TMTC1: variants seen among roughly 807,000 people sequenced by gnomAD.
The protein encoded by TMTC1 is protein O-mannosyl-transferase TMTC1.
Under a neutral mutation model 104.8 loss-of-function variants are expected in TMTC1, and 73 were observed. That is an observed-to-expected ratio of 0.70 (90% CI 0.58 to 0.85). The LOEUF (loss-of-function observed/expected upper bound fraction) is 0.85. Among genes scored for constraint, TMTC1 ranks in the 40% least tolerant of loss-of-function variants. The pLI, the probability that TMTC1 is intolerant of heterozygous loss-of-function variation, is 0.00. For missense variants in TMTC1, 1,035 were observed against 1,096.1 expected (o/e 0.94, Z 0.79); for synonymous variants, 434 against 428.7 (o/e 1.01, Z -0.15).
chr12:29,637,216 C>T (rs1027768452), intron 5 of TMTC1, among the ~76,000 whole-genome samples: 2 of 152,096 alleles, frequency 1.3e-5, no homozygotes, highest in Admixed American at 1.3e-4. Context: ...GGGGATAGTT[C>T]AGCTAGCTGT....
chr12:29,668,452 A>ATTTTTTTT (rs1940369316), intron 5 of TMTC1, among the ~76,000 whole-genome samples: 1 of 97,998 alleles, frequency 1.0e-5, no homozygotes, highest in African/African-American at 4.0e-5. Flanking sequence ...ATACCAACTT[A>ATTTTTTTT]TCTTTTTTTT....
chr12:29,535,782 G>A (rs1204953684), intron 11 of TMTC1: 2 of 167,344 alleles, frequency 1.2e-5, no homozygotes, highest in Admixed American at 6.5e-5. Flanking sequence ...ATTCTCTTAG[G>A]AGCCTCTCTC....
chr12:29,749,242 A>T (rs1943030906), intron 5 of TMTC1, among the ~76,000 whole-genome samples: 1 of 151,862 alleles, frequency 6.6e-6, no homozygotes. Context: ...ACACACACAC[A>T]CACACGTCTG....
In TMTC1 at chr12:29,503,331, C is replaced by T. The variant is rs1049668753; in HGVS notation, c.*3515G>A. On this transcript the variant is annotated 3_prime_UTR_variant, in exon 18 of 18. Coordinates refer to ENST00000539277, the MANE Select transcript of TMTC1 (RefSeq NM_001193451.2). Reference sequence around the variant, plus strand: ...CATTTGCATCTTTGGTTTAGTTCACCTATGTTGTATCACTGAAACATGTTT... The same window carrying T: ...CATTTGCATCTTTGGTTTAGTTCACTTATGTTGTATCACTGAAACATGTTT... The T allele has an allele frequency of 6.6e-6, 1 of 152,156 alleles. No homozygotes were observed. Among genetic ancestry groups the T allele is most frequent in the Admixed American group, 6.5e-5 (1 of 15,278 alleles). The allele number at this position is 152,156 out of a possible 1,614,324, so 9.4% of individuals were successfully genotyped here.
intron 6 of TMTC1, among the ~76,000 whole-genome samples, chr12:29,631,805 T>A (rs1938310752): frequency 6.6e-6 from 1 of 152,186 alleles, no homozygotes; most frequent in South Asian, 2.1e-4. Flanking sequence ...AATGCTGAAA[T>A]TATTACTCAG....
At chr12:29,562,493 A>G (rs9989039) in intron 9 of TMTC1, among the ~76,000 whole-genome samples, 15,361 of 152,234 alleles carry the variant, frequency 0.1, 2,578 homozygotes, top group African/African-American at 0.35. Flanking sequence ...AGTTTACTGA[A>G]TTAAGTATTT....
chr12:29,610,461 T>C (rs1052378973), intron 6 of TMTC1, among the ~76,000 whole-genome samples: 2 of 152,204 alleles, frequency 1.3e-5, no homozygotes, highest in African/African-American at 2.4e-5. Flanking sequence ...GTTTTGAACG[T>C]TTACTGCTAT....
intron 7 of TMTC1, among the ~76,000 whole-genome samples, chr12:29,585,783 G>C (rs1025758616): frequency 1.3e-5 from 2 of 152,146 alleles, no homozygotes; most frequent in Admixed American, 1.3e-4. Context: ...GCTCCATTCT[G>C]TTCCATTGGT....
At chr12:29,629,042 G>A (rs1023240074) in intron 6 of TMTC1, among the ~76,000 whole-genome samples, 11 of 152,062 alleles carry the variant, frequency 7.2e-5, no homozygotes, top group Non-Finnish European at 4.4e-5. Context: ...ATGATGGGCC[G>A]GGCACGGTGG....
At chr12:29,518,671 A>C in intron 12 of TMTC1, 64 bp from the exon 13 acceptor site, 2 of 1,558,726 alleles carry the variant, frequency 1.3e-6, no homozygotes, top group Non-Finnish European at 1.7e-6. Flanking sequence ...TGAACATTTC[A>C]CTTTCTCTTC....
intron 5 of TMTC1, among the ~76,000 whole-genome samples, chr12:29,646,310 A>G (rs1468687260): frequency 6.6e-6 from 1 of 152,238 alleles, no homozygotes; most frequent in Non-Finnish European, 1.5e-5. Context: ...TAGAGCATCA[A>G]GAAGTAGAAT....
intron 5 of TMTC1, among the ~76,000 whole-genome samples, chr12:29,682,982 ATCTC>A (rs1289071768): frequency 2.6e-5 from 4 of 152,074 alleles, no homozygotes; most frequent in Non-Finnish European, 4.4e-5. Flanking sequence ...GGGATAGAGA[ATCTC>A]TCTCTACTAT....
At chr12:29,719,819 A>G (rs901950929) in intron 5 of TMTC1, among the ~76,000 whole-genome samples, 3 of 152,244 alleles carry the variant, frequency 2.0e-5, no homozygotes, top group African/African-American at 7.2e-5. Context: ...GTATACTCAC[A>G]AAGTGGATTT....
At chr12:29,760,374 T>C (rs1027665219) in intron 2 of TMTC1, among the ~76,000 whole-genome samples, 1 of 152,194 alleles carries the variant, frequency 6.6e-6, no homozygotes, top group Admixed American at 6.5e-5. Context: ...ATAACCATTT[T>C]GCTTCCAGAA....
At chr12:29,596,787 G>T (rs982151681) in intron 7 of TMTC1, among the ~76,000 whole-genome samples, 14 of 152,230 alleles carry the variant, frequency 9.2e-5, no homozygotes, top group African/African-American at 3.4e-4. Context: ...AAAACAAAAA[G>T]ACTGAATATT....
chr12:29,672,628 C>T (rs1940560868), intron 5 of TMTC1, among the ~76,000 whole-genome samples: 1 of 152,158 alleles, frequency 6.6e-6, no homozygotes, highest in Admixed American at 6.5e-5. Flanking sequence ...CAATCTAGGG[C>T]CCTCCATAGC....
At chr12:29,531,127 A>G (rs1944491321) in intron 11 of TMTC1, among the ~76,000 whole-genome samples, 1 of 152,180 alleles carries the variant, frequency 6.6e-6, no homozygotes, top group African/African-American at 2.4e-5. Context: ...CATGAGGGTA[A>G]CCACATACAT....
intron 6 of TMTC1, among the ~76,000 whole-genome samples, chr12:29,607,994 T>C (rs1196017980): frequency 3.5e-4 from 53 of 152,214 alleles, no homozygotes; most frequent in Admixed American, 6.5e-5. Flanking sequence ...TAAAGTTTCA[T>C]TGTTTTATTT....
At position 29,661,581 on chromosome 12, in the gene TMTC1, T is replaced by C. The variant is rs373792146; in HGVS notation, c.939-28245A>G. ...GGACTACAGGTACTTTTTGTATTTT[T>C]AGTATTTTTGTATTTTTAGTATTTT... is the stretch of plus-strand genomic sequence containing the variant. On this transcript the variant is annotated intron_variant, in intron 5 of 17. Coordinates refer to ENST00000539277, the MANE Select transcript of TMTC1 (RefSeq NM_001193451.2). 1.2e-4 allele frequency among the ~76,000 whole-genome samples: 6 copies of C among 51,434 alleles called. No individual in the cohort carries two copies. In the East Asian group the frequency reaches 2.0e-3, roughly 17 times the overall value. The allele number at this position is 51,434 out of a possible 152,430, so 33.7% of individuals were successfully genotyped here.
Sources: allele counts gnomAD v4.1 joint callset (sites outside exome capture counted in the v4.1 genomes callset), GRCh38; gene constraint gnomAD v4.1.1; transcripts MANE v1.5; gene names NCBI Gene and HGNC (gene_info 2026-07-23, HGNC 2026-07-21).